PIK3C2G: variants seen among roughly 807,000 people sequenced by gnomAD.
PIK3C2G encodes phosphatidylinositol-4-phosphate 3-kinase catalytic subunit type 2 gamma.
In PIK3C2G, 168 loss-of-function variants were observed where a neutral mutation model predicts 181.1. That is an observed-to-expected ratio of 0.93 (90% CI 0.82 to 1.05). The LOEUF (loss-of-function observed/expected upper bound fraction) is 1.05. Among genes scored for constraint, PIK3C2G ranks in the 50% least tolerant of loss-of-function variants. The pLI is 0.00. For missense variants in PIK3C2G, 1,869 were observed against 1,732.8 expected (o/e 1.08, Z -1.40); for synonymous variants, 573 against 592.2 (o/e 0.97, Z 0.47).
rs534305838 is a variant in PIK3C2G at position 18,630,711 on chromosome 12, C to T, written c.4183-9718C>T. On this transcript the variant is annotated intron_variant, in intron 31 of 32. Transcript: ENST00000538779. ...ATTATGTTTTAACAGCAAATCTAGACTATATAAAATTCAGTTGGTATGAGC... is the reference window on the plus strand; with the variant it reads ...ATTATGTTTTAACAGCAAATCTAGATTATATAAAATTCAGTTGGTATGAGC... 9.4e-4 allele frequency among the ~76,000 whole-genome samples: 8 copies of T among 8,542 alleles called. No individual in the cohort carries two copies. In the South Asian group the frequency reaches 0.25, roughly 267 times the overall value. The allele number at this position is 8,542 out of a possible 152,430, so 5.6% of individuals were successfully genotyped here.
intron 31 of PIK3C2G, among the ~76,000 whole-genome samples, chr12:18,632,152 A>G (rs781669797): frequency 6.6e-6 from 1 of 152,174 alleles, no homozygotes; most frequent in African/African-American, 2.4e-5. Context: ...ATCTGTCCCA[A>G]AGAGTCAATA....
intron 30 of PIK3C2G, among the ~76,000 whole-genome samples, chr12:18,599,072 CT>C: frequency 1.3e-5 from 2 of 151,910 alleles, no homozygotes; most frequent in African/African-American, 4.8e-5. Flanking sequence ...AGTTCAACCA[CT>C]GTGGAAGTCA....
At chr12:18,673,467 G>A in the PIK3C2G span, among the ~76,000 whole-genome samples, 1 of 152,090 alleles carries the variant, frequency 6.6e-6, no homozygotes, top group African/African-American at 2.4e-5. Flanking sequence ...ATTAGGGTTT[G>A]ATGGCAAGGA....
intron 16 of PIK3C2G, among the ~76,000 whole-genome samples, chr12:18,410,595 G>A (rs1250071690): frequency 6.6e-6 from 1 of 151,988 alleles, no homozygotes; most frequent in Non-Finnish European, 1.5e-5. Flanking sequence ...TACAGATTTG[G>A]TTGTTCAAAA....
chr12:18,292,227 A>AAAAAAAAAAAAAATATAT, intron 4 of PIK3C2G, among the ~76,000 whole-genome samples: 3 of 48,748 alleles, frequency 6.2e-5, no homozygotes, highest in Non-Finnish European at 6.7e-5. Context: ...AAAAAAAAAA[A>AAAAAAAAAAAAAATATAT]ATATATATAT....
rs772053854 is a variant in PIK3C2G at position 18,607,226 on chromosome 12, G to A, written c.4088-2309G>A. The stretch of plus-strand genomic sequence containing the variant: ...AATGGTTAACAAAATGATTTTAATT[G>A]AAAGGAATAATATGAGAAACTACTA... On this transcript the variant is annotated intron_variant, in intron 30 of 32. Coordinates refer to ENST00000538779, the MANE Select transcript of PIK3C2G (RefSeq NM_001288772.2). 5 of 510,592 alleles carry A rather than the reference G, an allele frequency of 9.8e-6. No homozygotes were observed. In the Admixed American group the frequency reaches 9.9e-5, roughly 10 times the overall value. The allele number at this position is 510,592 out of a possible 1,614,324, so 31.6% of individuals were successfully genotyped here. A position where few individuals can be genotyped will look rare whatever the true frequency, so the allele number is the denominator to read the frequency against.
chr12:18,477,646 G>C (rs545619113), intron 18 of PIK3C2G, among the ~76,000 whole-genome samples: 1 of 152,118 alleles, frequency 6.6e-6, no homozygotes, highest in Admixed American at 6.6e-5. Context: ...TTATGACAAC[G>C]AACGAGAATG....
chr12:18,323,113 C>G (rs1427042953), intron 7 of PIK3C2G, among the ~76,000 whole-genome samples: 1 of 152,150 alleles, frequency 6.6e-6, no homozygotes, highest in Non-Finnish European at 1.5e-5. Flanking sequence ...GAGAAGGAGG[C>G]TTTCATTCTG....
intron 24 of PIK3C2G, among the ~76,000 whole-genome samples, chr12:18,533,941 CTTTTTTTT>C (rs542327503): frequency 5.5e-5 from 5 of 91,484 alleles, no homozygotes; most frequent in African/African-American, 1.3e-4. Context: ...CCTGCTATTT[CTTTTTTTT>C]TTTTTTTTTT....
At chr12:18,664,720 C>T in the PIK3C2G span, among the ~76,000 whole-genome samples, 57,547 of 150,644 alleles carry the variant, frequency 0.38, 13,646 homozygotes, top group South Asian at 0.59. Context: ...ATGTTTATTG[C>T]GGCACTATTC....
At chr12:18,472,560 C>A (rs911200660) in intron 18 of PIK3C2G, among the ~76,000 whole-genome samples, 11 of 152,098 alleles carry the variant, frequency 7.2e-5, no homozygotes, top group Non-Finnish European at 1.5e-4. Flanking sequence ...GCTGTATTGT[C>A]AGGGTTTGTG....
At chr12:18,692,720 A>G in the PIK3C2G span, 1 of 822,826 alleles carries the variant, frequency 1.2e-6, no homozygotes, top group Non-Finnish European at 2.0e-6. Flanking sequence ...TGAATCATCA[A>G]CATAAAGAAA....
At chr12:18,611,606 A>G (rs913655655) in intron 31 of PIK3C2G, among the ~76,000 whole-genome samples, 3 of 152,108 alleles carry the variant, frequency 2.0e-5, no homozygotes, top group African/African-American at 4.8e-5. Flanking sequence ...CTCAGACTCA[A>G]TATGCACCAA....
intron 31 of PIK3C2G, among the ~76,000 whole-genome samples, 194 bp from the exon 32 acceptor site, chr12:18,640,235 T>G (rs1029660996): frequency 3.9e-5 from 6 of 152,104 alleles, no homozygotes; most frequent in African/African-American, 1.4e-4. Context: ...GATGGCCAGC[T>G]TTACTCTTTT....
At chr12:18,317,912 G>C (rs919098364) in intron 6 of PIK3C2G, among the ~76,000 whole-genome samples, 3 of 152,186 alleles carry the variant, frequency 2.0e-5, no homozygotes, top group African/African-American at 4.8e-5. Flanking sequence ...TATAAATGAA[G>C]AGCTTAAGTC....
At chr12:18,429,435 T>A (rs924760675) in intron 18 of PIK3C2G, among the ~76,000 whole-genome samples, 2 of 152,104 alleles carry the variant, frequency 1.3e-5, no homozygotes, top group African/African-American at 4.8e-5. Flanking sequence ...TCTGAGTCAA[T>A]TGCCTAGGAT....
chr12:18,270,685 G>T (rs1360744872), intron 1 of PIK3C2G, among the ~76,000 whole-genome samples: 1 of 152,016 alleles, frequency 6.6e-6, no homozygotes, highest in Non-Finnish European at 1.5e-5. Flanking sequence ...GTACTTTATG[G>T]TTAAAAGATA....
At chr12:18,716,447 T>C in the PIK3C2G span, among the ~76,000 whole-genome samples, 1 of 152,218 alleles carries the variant, frequency 6.6e-6, no homozygotes, top group African/African-American at 2.4e-5. Flanking sequence ...ACCACTTACA[T>C]GTGGAGGCAC....
intron 18 of PIK3C2G, among the ~76,000 whole-genome samples, chr12:18,462,973 A>G (rs1440344088): frequency 6.6e-6 from 1 of 152,214 alleles, no homozygotes; most frequent in East Asian, 1.9e-4. Context: ...CTCTTTTCAC[A>G]TAGCATCATT....
Sources: allele counts gnomAD v4.1 joint callset (sites outside exome capture counted in the v4.1 genomes callset), GRCh38; gene constraint gnomAD v4.1.1; transcripts MANE v1.5; gene names NCBI Gene and HGNC (gene_info 2026-07-23, HGNC 2026-07-21).